C1QTNF7: variants seen among roughly 807,000 people sequenced by gnomAD.
The protein encoded by C1QTNF7 is complement C1q tumor necrosis factor-related protein 7.
Under a neutral mutation model 19.6 loss-of-function variants are expected in C1QTNF7, and 15 were observed. The observed-to-expected ratio is 0.76, with a 90% CI of 0.51 to 1.18. The LOEUF (loss-of-function observed/expected upper bound fraction) is 1.18, where lower values mean the gene tolerates loss of function less well. C1QTNF7 is among the 50% of genes most tolerant of loss of function. The pLI is 0.00. For missense variants in C1QTNF7, 324 were observed against 359.7 expected, an observed-to-expected ratio of 0.90 and a Z score of 0.80; for synonymous variants, 142 against 137.5, an observed-to-expected ratio of 1.03 and a Z score of -0.23.
chr4:15,401,553 A>G (rs1308283514), intron 1 of C1QTNF7, among the ~76,000 whole-genome samples: 1 of 152,232 alleles, frequency 6.6e-6, no homozygotes, highest in East Asian at 1.9e-4. Flanking sequence ...GGGGGGAAAC[A>G]AGTAGAAAAA....
intron 1 of C1QTNF7, among the ~76,000 whole-genome samples, chr4:15,375,675 C>T (rs1717913228): frequency 6.6e-6 from 1 of 152,098 alleles, no homozygotes; most frequent in Admixed American, 6.5e-5. Context: ...CTGCAAGGAA[C>T]ATATGTCCCG....
intron 1 of C1QTNF7, among the ~76,000 whole-genome samples, chr4:15,402,476 G>C (rs142229601): frequency 2.8e-4 from 43 of 152,172 alleles, no homozygotes; most frequent in African/African-American, 1.0e-3. Context: ...TTACAAAACC[G>C]AATCAAGACT....
chr4:15,427,230 A>G (rs1712091386), upstream of C1QTNF7, among the ~76,000 whole-genome samples: 1 of 152,228 alleles, frequency 6.6e-6, no homozygotes, highest in Non-Finnish European at 1.5e-5. Flanking sequence ...GAGAAGAATG[A>G]GAGGAAAAGA....
At chr4:15,436,429 A>G (rs370717441) in intron 2 of C1QTNF7, among the ~76,000 whole-genome samples, 2 of 152,246 alleles carry the variant, frequency 1.3e-5, no homozygotes, top group South Asian at 2.1e-4. Flanking sequence ...AAGCAGAGGC[A>G]AAAACCAGGA....
intron 1 of C1QTNF7, among the ~76,000 whole-genome samples, chr4:15,369,939 T>C (rs551728718): frequency 6.6e-6 from 1 of 152,284 alleles, no homozygotes; most frequent in Non-Finnish European, 1.5e-5. Flanking sequence ...ATTAAAGTCT[T>C]AAAGAGCCAT....
intron 1 of C1QTNF7, among the ~76,000 whole-genome samples, chr4:15,344,855 C>T (rs1358360737): frequency 1.3e-5 from 2 of 152,164 alleles, no homozygotes; most frequent in Admixed American, 6.5e-5. Context: ...TGGCTATCTG[C>T]CTTTTGCAAA....
chr4:15,356,334 G>A (rs1050025555), intron 1 of C1QTNF7, among the ~76,000 whole-genome samples: 1 of 152,000 alleles, frequency 6.6e-6, no homozygotes, highest in Non-Finnish European at 1.5e-5. Flanking sequence ...CCACTTATGA[G>A]TGAGAACATG....
intron 1 of C1QTNF7, among the ~76,000 whole-genome samples, chr4:15,367,248 T>C (rs1345334237): frequency 6.6e-6 from 1 of 152,218 alleles, no homozygotes; most frequent in Non-Finnish European, 1.5e-5. Flanking sequence ...TTCTAAATTA[T>C]ACTTTTGAGA....
At chr4:15,440,943 C>G (rs972706178) in intron 2 of C1QTNF7, among the ~76,000 whole-genome samples, 9 of 152,046 alleles carry the variant, frequency 5.9e-5, no homozygotes, top group African/African-American at 1.7e-4. Context: ...GAGTTCGAGA[C>G]CAGCCTGGCC....
At chr4:15,356,942 TG>T (rs1411246626) in intron 1 of C1QTNF7, among the ~76,000 whole-genome samples, 2 of 146,824 alleles carry the variant, frequency 1.4e-5, no homozygotes, top group African/African-American at 5.0e-5. Flanking sequence ...TTGATAAAGT[TG>T]TTTTTTTTTT....
chr4:15,401,531 G>C (rs1327411215), intron 1 of C1QTNF7, among the ~76,000 whole-genome samples: 1 of 152,138 alleles, frequency 6.6e-6, no homozygotes, highest in Non-Finnish European at 1.5e-5. Context: ...TCCCAGCATG[G>C]GTATTGCAAG....
intron 1 of C1QTNF7, chr4:15,374,868 TCTC>T (rs1717872289): frequency 7.4e-5 from 41 of 553,258 alleles, no homozygotes; most frequent in East Asian, 2.0e-4. Flanking sequence ...TCTCTCTCTC[TCTC>T]TTTTTTTTTA....
At chr4:15,345,774 G>A (rs537047121) in intron 1 of C1QTNF7, among the ~76,000 whole-genome samples, 5 of 152,208 alleles carry the variant, frequency 3.3e-5, no homozygotes, top group Non-Finnish European at 7.3e-5. Context: ...GCCAGCGGAG[G>A]AGGCATATAT....
intron 1 of C1QTNF7, among the ~76,000 whole-genome samples, chr4:15,399,232 C>T (rs1718899424): frequency 6.6e-6 from 1 of 152,130 alleles, no homozygotes; most frequent in Admixed American, 6.5e-5. Context: ...GTGCCGACTG[C>T]AACCAATTAT....
chr4:15,373,230 G>A (rs1301790835), intron 1 of C1QTNF7, among the ~76,000 whole-genome samples: 3 of 152,128 alleles, frequency 2.0e-5, no homozygotes, highest in Non-Finnish European at 4.4e-5. Flanking sequence ...CCTCCAGAGG[G>A]ACAAATGCTA....
intron 1 of C1QTNF7, among the ~76,000 whole-genome samples, chr4:15,420,826 CTTTTT>C (rs61609914): frequency 6.8e-4 from 45 of 66,244 alleles, no homozygotes; most frequent in African/African-American, 2.5e-3. Context: ...ACTGCTTTGT[CTTTTT>C]TTTTTTTTTT....
chr4:15,427,436 C>CA, upstream of C1QTNF7, among the ~76,000 whole-genome samples: 1 of 152,110 alleles, frequency 6.6e-6, no homozygotes, highest in Non-Finnish European at 1.5e-5. Flanking sequence ...TCTTTACAGG[C>CA]ACAAAGACAT....
chr4:15,407,858 G>A (rs894217190), intron 1 of C1QTNF7, among the ~76,000 whole-genome samples: 12 of 152,114 alleles, frequency 7.9e-5, no homozygotes, highest in African/African-American at 1.7e-4. Context: ...CCCAGAAGGC[G>A]GAGGTTGCAG....
At chr4:15,343,919 C>T (rs1253050371) in intron 1 of C1QTNF7, among the ~76,000 whole-genome samples, 2 of 152,214 alleles carry the variant, frequency 1.3e-5, no homozygotes, top group Admixed American at 1.3e-4. Context: ...AACCTGCCTG[C>T]AGTCTTTCAG....
Sources: allele counts gnomAD v4.1 joint callset (sites outside exome capture counted in the v4.1 genomes callset), GRCh38; gene constraint gnomAD v4.1.1; transcripts MANE v1.5; gene names NCBI Gene and HGNC (gene_info 2026-07-23, HGNC 2026-07-21).